The following UTRN variants were observed in gnomAD, a reference collection of about 807,000 sequenced individuals.
The protein encoded by UTRN is utrophin.
UTRN carries 283 observed loss-of-function variants against 463.9 expected under a neutral mutation model. The ratio of observed to expected loss-of-function variants is 0.61; its 90% CI spans 0.55 to 0.67. The LOEUF is 0.67. Among genes scored for constraint, UTRN ranks in the 30% least tolerant of loss-of-function variants. UTRN has a pLI of 0.00. For missense variants in UTRN, 3,922 were observed against 4,084.3 expected, an observed-to-expected ratio of 0.96 and a Z score of 1.08; for synonymous variants, 1,442 against 1,431.5, an observed-to-expected ratio of 1.01 and a Z score of -0.17.
At chr6:144,826,660 T>G (rs919104503) in intron 66 of UTRN, among the ~76,000 whole-genome samples, 1 of 152,170 alleles carries the variant, frequency 6.6e-6, no homozygotes, top group Non-Finnish European at 1.5e-5. Context: ...AGAACAAGTT[T>G]TTTTGCATCG....
intron 2 of UTRN, among the ~76,000 whole-genome samples, chr6:144,344,765 C>G (rs1777427294): frequency 6.6e-6 from 1 of 152,122 alleles, no homozygotes; most frequent in Admixed American, 6.5e-5. Context: ...TTAGTTTTGA[C>G]CTGAGAAAGG....
intron 50 of UTRN, among the ~76,000 whole-genome samples, chr6:144,570,706 A>G (rs1381758020): frequency 6.6e-6 from 1 of 152,162 alleles, no homozygotes; most frequent in Non-Finnish European, 1.5e-5. Flanking sequence ...CTGGTCACCA[A>G]AGTGTGCTGC....
chr6:144,693,246 T>C (rs952070321), intron 52 of UTRN, among the ~76,000 whole-genome samples: 6 of 152,148 alleles, frequency 3.9e-5, no homozygotes, highest in African/African-American at 1.4e-4. Flanking sequence ...GTTCCATTGG[T>C]CTATGTGTCT....
At chr6:144,437,423 C>T (rs1346836521) in intron 10 of UTRN, 142 bp from the exon 11 acceptor site, 2 of 677,428 alleles carry the variant, frequency 3.0e-6, no homozygotes, top group Non-Finnish European at 4.4e-6. Flanking sequence ...AAAATGTGGT[C>T]AATGTCTATT....
At chr6:144,396,312 A>G (rs1007154490) in intron 2 of UTRN, among the ~76,000 whole-genome samples, 1 of 152,222 alleles carries the variant, frequency 6.6e-6, no homozygotes, top group African/African-American at 2.4e-5. Flanking sequence ...CTTACATGAC[A>G]TATCTTAAAT....
chr6:144,780,996 T>TA (rs1277900862), intron 60 of UTRN, among the ~76,000 whole-genome samples: 2 of 152,264 alleles, frequency 1.3e-5, no homozygotes, highest in African/African-American at 4.8e-5. Context: ...GTAGTAGCTC[T>TA]AGCAGAAATT....
In UTRN at chr6:144,757,952, A is replaced by C. The variant is rs769197258; in HGVS notation, c.8458A>C (p.Arg2820=). ...LSTSVQLPWQ[R]SISHNKVPYY... ...AGCGTCAGTCCAGCTGCCGTGGCAA[A>C]GATCCATTTCACATAATAAAGTGCC... Residue 2820 remains arginine, a synonymous_variant, in exon 58 of 75, where the codon AGA becomes CGA. Coordinates refer to ENST00000367545, the MANE Select transcript of UTRN (RefSeq NM_007124.3). 6.8e-6 allele frequency: 11 copies of C among 1,611,204 alleles called. No individual in the cohort carries two copies. The African/African-American group carries it at 1.5e-4, about 22-fold the overall frequency.
chr6:144,473,680 T>C (rs1339640150), intron 23 of UTRN, 40 bp from the exon 24 acceptor site: 1 of 1,562,424 alleles, frequency 6.4e-7, no homozygotes, highest in Non-Finnish European at 8.8e-7. Context: ...AGGCTGAACG[T>C]CACGAAGTAA....
chr6:144,683,055 C>T (rs1171043654), intron 52 of UTRN, among the ~76,000 whole-genome samples: 2 of 152,176 alleles, frequency 1.3e-5, no homozygotes, highest in East Asian at 3.9e-4. Context: ...AAAGTGTGCT[C>T]AAGGGGCATT....
At chr6:144,344,692 C>A (rs1777422544) in intron 2 of UTRN, among the ~76,000 whole-genome samples, 1 of 152,146 alleles carries the variant, frequency 6.6e-6, no homozygotes, top group South Asian at 2.1e-4. Flanking sequence ...ATTGGTAGAC[C>A]TCATCCCATA....
At chr6:144,826,713 T>A (rs941339422) in intron 66 of UTRN, among the ~76,000 whole-genome samples, 3 of 152,082 alleles carry the variant, frequency 2.0e-5, no homozygotes, top group African/African-American at 7.2e-5. Context: ...TTGAAGAAAA[T>A]GTATCATGAT....
chr6:144,642,384 C>CT (rs1009384285), intron 51 of UTRN, among the ~76,000 whole-genome samples: 1 of 152,114 alleles, frequency 6.6e-6, no homozygotes, highest in African/African-American at 2.4e-5. Context: ...TTAATATCTT[C>CT]TTTTTTTGTG....
Position 144,523,256 on chromosome 6 carries a change from C to T in UTRN, c.5906+68C>T, listed in dbSNP as rs996477153. The T allele has an allele frequency of 6.7e-6, 8 of 1,195,070 alleles. No homozygotes were observed. In the Admixed American group the frequency reaches 2.3e-4, roughly 34 times the overall value. The allele number at this position is 1,195,070 out of a possible 1,614,324, so 74.0% of individuals were successfully genotyped here. ...GCAAGTTCATGGGCGTGAAGAAGAT[C>T]ATGTGGACACTGAGATTAATGAGAA... On this transcript the variant is annotated intron_variant, in intron 41 of 74. Transcript: ENST00000367545.
chr6:144,577,877 T>C (rs1046655630), intron 51 of UTRN, among the ~76,000 whole-genome samples: 2 of 152,210 alleles, frequency 1.3e-5, no homozygotes, highest in Non-Finnish European at 2.9e-5. Flanking sequence ...CTCAAGTAGT[T>C]CTGCTTCAGT....
chr6:144,441,897 G>T (rs1053190852), intron 13 of UTRN, among the ~76,000 whole-genome samples: 4 of 152,166 alleles, frequency 2.6e-5, no homozygotes, highest in African/African-American at 4.8e-5. Flanking sequence ...TTGCACCTTT[G>T]CCATGGCCTG....
intron 39 of UTRN, 23 bp from the exon 40 acceptor site, chr6:144,521,951 ATATATT>A (rs1796137269): frequency 4.1e-6 from 5 of 1,207,038 alleles, no homozygotes; most frequent in African/African-American, 3.6e-5. Context: ...ATATATATAT[ATATATT>A]TTTTTTTTTG....
At chr6:144,824,774 G>T (rs1443726906) in intron 66 of UTRN, among the ~76,000 whole-genome samples, 14 of 77,346 alleles carry the variant, frequency 1.8e-4, no homozygotes, top group Admixed American at 6.5e-4. Context: ...AGTTGGTGGT[G>T]GGGGGGGGTG....
chr6:144,359,629 G>A (rs996278049), intron 2 of UTRN, among the ~76,000 whole-genome samples: 1 of 151,768 alleles, frequency 6.6e-6, no homozygotes, highest in Non-Finnish European at 1.5e-5. Context: ...TTCAATTTCT[G>A]TAATTACTAG....
At chr6:144,348,964 C>T (rs552775454) in intron 2 of UTRN, among the ~76,000 whole-genome samples, 1 of 151,920 alleles carries the variant, frequency 6.6e-6, no homozygotes, top group African/African-American at 2.4e-5. Flanking sequence ...AGAAAAGAAT[C>T]TTGGGTGGAG....
Sources: gnomAD v4.1 joint callset for allele counts (sites outside exome capture counted in the v4.1 genomes callset) on GRCh38, gnomAD v4.1.1 for gene constraint, MANE v1.5 for transcripts, NCBI Gene and HGNC (gene_info 2026-07-23, HGNC 2026-07-21) for gene names.